FSTL4: variants seen among roughly 807,000 people sequenced by gnomAD.
FSTL4 encodes the protein follistatin like 4.
A neutral mutation model predicts 78.2 loss-of-function variants in FSTL4; 28 were observed. The ratio of observed to expected loss-of-function variants is 0.36; its 90% CI spans 0.27 to 0.49. FSTL4 has a LOEUF of 0.49. FSTL4 is among the 20% of genes least tolerant of loss of function. The pLI, the probability that FSTL4 is intolerant of heterozygous loss-of-function variation, is 0.98. For synonymous variants in FSTL4, 422 were observed against 440.5 expected, an observed-to-expected ratio of 0.96 and a Z score of 0.53; for missense variants, 922 against 1,084.9, an observed-to-expected ratio of 0.85 and a Z score of 2.11.
At chr5:133,787,721 T>C in the FSTL4 span, among the ~76,000 whole-genome samples, 12 of 152,052 alleles carry the variant, frequency 7.9e-5, no homozygotes, top group Non-Finnish European at 1.8e-4. Flanking sequence ...TGCTATCCCA[T>C]GAGCTGACTC....
At chr5:133,535,159 C>T (rs972394421) in intron 3 of FSTL4, among the ~76,000 whole-genome samples, 25 of 152,190 alleles carry the variant, frequency 1.6e-4, no homozygotes, top group African/African-American at 6.0e-4. Context: ...ATCTACAAGC[C>T]AGGTAGAGCA....
chr5:133,441,804 C>T (rs1054781332), intron 3 of FSTL4, among the ~76,000 whole-genome samples: 1 of 152,220 alleles, frequency 6.6e-6, no homozygotes, highest in Non-Finnish European at 1.5e-5. Flanking sequence ...TAGCTTCACA[C>T]AGTAAGTGAC....
At chr5:133,526,512 G>A (rs700701) in intron 3 of FSTL4, among the ~76,000 whole-genome samples, 9,148 of 152,176 alleles carry the variant, frequency 0.06, 367 homozygotes, top group Non-Finnish European at 0.084. Flanking sequence ...GATCCCCCAC[G>A]GATGGTCTTG....
At chr5:133,707,598 A>G in the FSTL4 span, among the ~76,000 whole-genome samples, 3 of 152,210 alleles carry the variant, frequency 2.0e-5, no homozygotes, top group African/African-American at 7.2e-5. Flanking sequence ...TCCTTCCATT[A>G]GCCCTGAGAA....
chr5:133,837,314 C>G, the FSTL4 span, among the ~76,000 whole-genome samples: 1 of 152,116 alleles, frequency 6.6e-6, no homozygotes, highest in African/African-American at 2.4e-5. Flanking sequence ...AATGTTGTTG[C>G]TCAAATTCTT....
chr5:133,294,882 G>T (rs1392655954), intron 6 of FSTL4, among the ~76,000 whole-genome samples: 1 of 152,078 alleles, frequency 6.6e-6, no homozygotes, highest in Non-Finnish European at 1.5e-5. Context: ...TGATACTGTT[G>T]CACACACTCA....
intron 4 of FSTL4, among the ~76,000 whole-genome samples, chr5:133,317,911 C>A (rs1007650375): frequency 6.6e-6 from 1 of 152,228 alleles, no homozygotes; most frequent in Non-Finnish European, 1.5e-5. Flanking sequence ...AGGGAAGCTA[C>A]TGGGGGGAAA....
At chr5:133,730,406 G>A in the FSTL4 span, among the ~76,000 whole-genome samples, 5 of 152,204 alleles carry the variant, frequency 3.3e-5, no homozygotes, top group Non-Finnish European at 5.9e-5. Flanking sequence ...ACGGGACTCA[G>A]GAGACCTCAC....
the FSTL4 span, among the ~76,000 whole-genome samples, chr5:133,709,907 G>A: frequency 6.6e-6 from 1 of 152,208 alleles, no homozygotes; most frequent in African/African-American, 2.4e-5. Flanking sequence ...TAAACTTGCA[G>A]AAGCCCAATA....
rs549419542 is a variant in FSTL4 at position 133,524,111 on chromosome 5, C to T, written c.160+43075G>A. ...GAGAGGGGACAGCACAGCATGTGCA[C>T]AGGCCCAGGGTGGGAGCAGGTGTGT... On this transcript the variant is annotated intron_variant, in intron 3 of 15. Transcript: ENST00000265342. Among the ~76,000 whole-genome samples the T allele has an allele frequency of 9.9e-5, 15 of 152,248 alleles. No homozygotes were observed. In the South Asian group the frequency reaches 3.1e-3, roughly 32 times the overall value.
chr5:133,687,512 G>C, the FSTL4 span, among the ~76,000 whole-genome samples: 2 of 152,110 alleles, frequency 1.3e-5, no homozygotes, highest in Non-Finnish European at 2.9e-5. Context: ...AGAGATCTGA[G>C]GAACACCCAG....
chr5:133,741,002 T>C, the FSTL4 span, among the ~76,000 whole-genome samples: 3 of 151,698 alleles, frequency 2.0e-5, no homozygotes, highest in Admixed American at 6.6e-5. Context: ...GATGAATGAA[T>C]TGATGGGCAG....
At chr5:133,420,937 G>A (rs182821814) in intron 3 of FSTL4, among the ~76,000 whole-genome samples, 15 of 152,326 alleles carry the variant, frequency 9.8e-5, no homozygotes, top group Admixed American at 4.6e-4. Context: ...TTGCAGCCTC[G>A]GCTCATGTGT....
the FSTL4 span, among the ~76,000 whole-genome samples, chr5:133,648,710 C>T: frequency 5.9e-3 from 891 of 152,226 alleles, 13 homozygotes; most frequent in African/African-American, 0.02. Context: ...AAAAAATGGA[C>T]GACTTTTTAG....
At chr5:133,366,029 G>A (rs1288228128) in intron 4 of FSTL4, among the ~76,000 whole-genome samples, 1 of 152,106 alleles carries the variant, frequency 6.6e-6, no homozygotes, top group Non-Finnish European at 1.5e-5. Flanking sequence ...CCAGACTCTT[G>A]TCATCCACAA....
intron 4 of FSTL4, among the ~76,000 whole-genome samples, chr5:133,353,724 A>T (rs13170171): frequency 0.14 from 21,941 of 152,274 alleles, 1,868 homozygotes; most frequent in East Asian, 0.37. Flanking sequence ...AACTGTACAC[A>T]AGCGCACACA....
At chr5:133,245,852 T>C (rs150277798) in intron 7 of FSTL4, among the ~76,000 whole-genome samples, 4 of 152,352 alleles carry the variant, frequency 2.6e-5, no homozygotes, top group African/African-American at 4.8e-5. Flanking sequence ...AATATTATTC[T>C]GATGCTCAGG....
At chr5:133,742,506 G>A in the FSTL4 span, among the ~76,000 whole-genome samples, 8 of 152,320 alleles carry the variant, frequency 5.3e-5, no homozygotes, top group African/African-American at 1.9e-4. Context: ...TGAAAGCTCA[G>A]ATGTAACTGT....
the FSTL4 span, among the ~76,000 whole-genome samples, chr5:133,822,570 AG>A: frequency 6.6e-6 from 1 of 152,102 alleles, no homozygotes; most frequent in Non-Finnish European, 1.5e-5. Flanking sequence ...AAGGAAGGTG[AG>A]GGTGGAGCCG....
Sources: gnomAD v4.1 joint callset for allele counts (sites outside exome capture counted in the v4.1 genomes callset) on GRCh38, gnomAD v4.1.1 for gene constraint, MANE v1.5 for transcripts, NCBI Gene and HGNC (gene_info 2026-07-23, HGNC 2026-07-21) for gene names.